Variants in ERG observed in about 807,000 individuals in gnomAD.
ERG encodes ETS transcription factor ERG, also known as transcriptional regulator ERG.
In ERG, 9 loss-of-function variants were observed where a neutral mutation model predicts 55.3. The observed-to-expected ratio is 0.16, with a 90% confidence interval of 0.10 to 0.28. ERG has a LOEUF of 0.28. Among genes scored for constraint, ERG ranks in the 10% least tolerant of loss-of-function variants. ERG has a pLI of 1.00. For synonymous variants in ERG, 223 were observed against 237.3 expected (o/e 0.94, Z 0.55); for missense variants, 434 against 631.6 (o/e 0.69, Z 3.35).
rs964969904 is a variant in ERG at position 38,407,769 on chromosome 21, AAAC to A, written c.389-4063_389-4061del. Among the ~76,000 whole-genome samples, 149 of 147,338 alleles carry A rather than the reference AAAC, an allele frequency of 1.0e-3. 1 individual carries two copies. The highest frequency in any genetic ancestry group is 5.4e-4 in the Non-Finnish European group (36 of 66,792). ...AAAAGTATAAAAAATAAAAGTAAAAAAACAAAAAGAAAAGTTAAAAAAATGAAA... is the reference window on the plus strand; with the variant it reads ...AAAAGTATAAAAAATAAAAGTAAAAAAAAAAGAAAAGTTAAAAAAATGAAA... On this transcript the variant is annotated intron_variant, in intron 3 of 9. Transcript: ENST00000288319.
At chr21:38,574,109 T>C (rs2146861787) in intron 2 of ERG, among the ~76,000 whole-genome samples, 1 of 152,324 alleles carries the variant, frequency 6.6e-6, no homozygotes, top group South Asian at 2.1e-4. Context: ...GAATTTCAGT[T>C]GCCGTCCCTC....
At chr21:38,631,684 C>T (rs1282871182) in intron 1 of ERG, among the ~76,000 whole-genome samples, 2 of 152,058 alleles carry the variant, frequency 1.3e-5, no homozygotes, top group East Asian at 3.9e-4. Flanking sequence ...CCGTTTTCAC[C>T]CCTCATTTTG....
At chr21:38,610,949 C>T (rs2060223250) in intron 1 of ERG, among the ~76,000 whole-genome samples, 1 of 152,156 alleles carries the variant, frequency 6.6e-6, no homozygotes, top group South Asian at 2.1e-4. Context: ...TAAAAGAGCC[C>T]TCATCACTTC....
upstream of ERG, among the ~76,000 whole-genome samples, chr21:38,500,772 G>A (rs2836445): frequency 0.3 from 45,361 of 151,982 alleles, 8,062 homozygotes; most frequent in Non-Finnish European, 0.39. Context: ...ATCAATATTC[G>A]ATCCATAAGT....
chr21:38,592,356 AAG>A (rs3065417), intron 1 of ERG, among the ~76,000 whole-genome samples: 2,551 of 152,290 alleles, frequency 0.017, 77 homozygotes, highest in African/African-American at 0.058. Flanking sequence ...TTGATAAGAA[AAG>A]AGTGTTCAGA....
At chr21:38,564,650 A>G (rs1194222672) in intron 2 of ERG, among the ~76,000 whole-genome samples, 1 of 151,340 alleles carries the variant, frequency 6.6e-6, no homozygotes, top group African/African-American at 2.4e-5. Flanking sequence ...CACTCATATG[A>G]AGGTCACAAT....
At chr21:38,632,278 T>C (rs2060361254) in intron 1 of ERG, among the ~76,000 whole-genome samples, 1 of 152,130 alleles carries the variant, frequency 6.6e-6, no homozygotes, top group Non-Finnish European at 1.5e-5. Context: ...ATGCTCAATG[T>C]CACTAATCAT....
intron 1 of ERG, among the ~76,000 whole-genome samples, chr21:38,495,465 CT>C (rs1361107371): frequency 6.6e-6 from 1 of 152,202 alleles, no homozygotes; most frequent in Non-Finnish European, 1.5e-5. Flanking sequence ...ATGCTTTCCC[CT>C]GATGCTGCTG....
At chr21:38,648,274 C>T (rs1481744771) in intron 1 of ERG, among the ~76,000 whole-genome samples, 1 of 152,160 alleles carries the variant, frequency 6.6e-6, no homozygotes, top group East Asian at 1.9e-4. Flanking sequence ...CATTTATTCC[C>T]AACCTTTTGG....
intron 2 of ERG, among the ~76,000 whole-genome samples, chr21:38,439,848 A>G (rs1261615462): frequency 6.6e-6 from 1 of 152,176 alleles, no homozygotes; most frequent in African/African-American, 2.4e-5. Context: ...GTAGAATTCC[A>G]CTATTCGGTT....
Position 38,381,636 on chromosome 21 carries a change from G to A in ERG, c.*1767C>T, listed in dbSNP as rs958452483. The A allele has an allele frequency of 2.0e-5, 21 of 1,063,176 alleles. No homozygotes were observed. The highest frequency in any genetic ancestry group is 2.0e-5 in the Non-Finnish European group (18 of 878,068). The allele number at this position is 1,063,176 out of a possible 1,614,324, so 65.9% of individuals were successfully genotyped here. On this transcript the variant is annotated 3_prime_UTR_variant, in exon 10 of 10. Coordinates refer to ENST00000288319, the MANE Select transcript of ERG (RefSeq NM_182918.4). ...CCAGTAATAATACAGTTTGCCTTAC[G>A]AGTGGTAGCTTGTTCACTGTTCAAC...
chr21:38,442,258 G>A (rs1421973368), intron 2 of ERG, among the ~76,000 whole-genome samples: 5 of 152,188 alleles, frequency 3.3e-5, no homozygotes, highest in Non-Finnish European at 5.9e-5. Flanking sequence ...GCCAGGCATG[G>A]TGGCGGATGC....
intron 1 of ERG, among the ~76,000 whole-genome samples, chr21:38,605,986 C>G (rs2060194580): frequency 2.0e-5 from 3 of 151,390 alleles, no homozygotes; most frequent in Admixed American, 2.0e-4. Flanking sequence ...TAGGTAGGTA[C>G]TAGATACATA....
intron 1 of ERG, among the ~76,000 whole-genome samples, chr21:38,642,739 C>G (rs922304483): frequency 2.0e-5 from 3 of 152,222 alleles, no homozygotes; most frequent in African/African-American, 7.2e-5. Context: ...CCCCCAGATT[C>G]CAGCCCAGGT....
chr21:38,638,358 T>G (rs2060403261), intron 1 of ERG, among the ~76,000 whole-genome samples: 1 of 152,216 alleles, frequency 6.6e-6, no homozygotes, highest in African/African-American at 2.4e-5. Flanking sequence ...TCACTTTGCG[T>G]GCATCTGGCC....
intron 2 of ERG, among the ~76,000 whole-genome samples, chr21:38,539,399 C>A (rs912146853): frequency 1.3e-5 from 2 of 152,102 alleles, no homozygotes; most frequent in Admixed American, 1.3e-4. Flanking sequence ...TCCATTTTGG[C>A]TATGCTGGAC....
intron 1 of ERG, among the ~76,000 whole-genome samples, chr21:38,469,981 G>C (rs370964807): frequency 6.6e-6 from 1 of 152,134 alleles, no homozygotes; most frequent in East Asian, 1.9e-4. Context: ...TGTATATGCA[G>C]CTATGTACTC....
At chr21:38,402,179 GT>G (rs1203358264) in intron 5 of ERG, among the ~76,000 whole-genome samples, 1 of 152,132 alleles carries the variant, frequency 6.6e-6, no homozygotes, top group African/African-American at 2.4e-5. Context: ...ATTAAAGGAG[GT>G]TGCTAAGGGC....
At chr21:38,471,759 T>G (rs1161866224) in intron 1 of ERG, 2 of 152,184 alleles carry the variant, frequency 1.3e-5, no homozygotes, top group Non-Finnish European at 2.9e-5. Context: ...CCAAAAAAAA[T>G]GAACATGAGT....
Sources: allele counts gnomAD v4.1 joint callset (sites outside exome capture counted in the v4.1 genomes callset), GRCh38; gene constraint gnomAD v4.1.1; transcripts MANE v1.5; gene names NCBI Gene and HGNC (gene_info 2026-07-23, HGNC 2026-07-21).